Variants in ABI3BP observed in about 807,000 individuals in gnomAD.
ABI3BP encodes ABI family member 3 binding protein, also known as target of Nesh-SH3.
In ABI3BP, 216 loss-of-function variants were observed where a neutral mutation model predicts 268.6. That is an observed-to-expected ratio of 0.80 (90% CI 0.72 to 0.90). The LOEUF (loss-of-function observed/expected upper bound fraction) is 0.90, where lower values mean the gene tolerates loss of function less well. Among genes scored for constraint, ABI3BP ranks in the 40% least tolerant of loss-of-function variants. The probability of loss-of-function intolerance (pLI) is 0.00; values close to 1 mark genes in which losing one functional copy is unlikely to be tolerated. For synonymous variants in ABI3BP, 730 were observed against 730.0 expected, an observed-to-expected ratio of 1.00 and a Z score of 0.00; for missense variants, 2,090 against 2,182.4, an observed-to-expected ratio of 0.96 and a Z score of 0.84.
At chr3:100,901,432 G>T (rs997865419) in intron 3 of ABI3BP, among the ~76,000 whole-genome samples, 2 of 152,044 alleles carry the variant, frequency 1.3e-5, no homozygotes, top group Admixed American at 1.3e-4. Flanking sequence ...AGATGAACAT[G>T]CTTTGGCAAT....
At chr3:100,951,524 A>T (rs1296790158) in intron 1 of ABI3BP, among the ~76,000 whole-genome samples, 1 of 151,970 alleles carries the variant, frequency 6.6e-6, no homozygotes, top group Non-Finnish European at 1.5e-5. Flanking sequence ...ATTTGGTTCC[A>T]GTCCTACAAG....
intron 3 of ABI3BP, 90 bp downstream of exon 3, chr3:100,902,528 A>T: frequency 8.5e-7 from 1 of 1,177,848 alleles, no homozygotes; most frequent in East Asian, 2.5e-5. Flanking sequence ...AAAGCTTCTC[A>T]AGGCATTTGG....
chr3:100,927,843 T>TGTTAATG (rs2062317025), intron 1 of ABI3BP, among the ~76,000 whole-genome samples: 1 of 152,114 alleles, frequency 6.6e-6, no homozygotes, highest in Non-Finnish European at 1.5e-5. Context: ...TGGCACAACC[T>TGTTAATG]TAAACCTGGC....
At chr3:100,874,633 C>G (rs9844826) in intron 9 of ABI3BP, among the ~76,000 whole-genome samples, 43,552 of 151,816 alleles carry the variant, frequency 0.29, 6,499 homozygotes, top group East Asian at 0.36. Flanking sequence ...TATAAATATA[C>G]CTTATATAAA....
intron 1 of ABI3BP, among the ~76,000 whole-genome samples, chr3:100,954,273 C>T (rs2076095516): frequency 6.6e-6 from 1 of 152,080 alleles, no homozygotes; most frequent in Non-Finnish European, 1.5e-5. Flanking sequence ...AAACAGGAAG[C>T]ATTAACTTCA....
chr3:100,915,645 G>C (rs2058361925), intron 2 of ABI3BP, among the ~76,000 whole-genome samples: 1 of 152,196 alleles, frequency 6.6e-6, no homozygotes, highest in African/African-American at 2.4e-5. Context: ...TTGTCTGATA[G>C]GACCTCACTT....
intron 50 of ABI3BP, among the ~76,000 whole-genome samples, chr3:100,805,466 C>A (rs1393177231): frequency 6.6e-6 from 1 of 151,982 alleles, no homozygotes; most frequent in Non-Finnish European, 1.5e-5. Flanking sequence ...TAATAAGGTA[C>A]TAATATAATA....
chr3:100,796,262 A>G (rs2097343237), intron 52 of ABI3BP, 147 bp downstream of exon 52: 1 of 617,816 alleles, frequency 1.6e-6, no homozygotes, highest in African/African-American at 1.9e-5. Context: ...AGATGATTCA[A>G]TTTACCCACA....
At chr3:100,950,290 T>A (rs1017786190) in intron 1 of ABI3BP, among the ~76,000 whole-genome samples, 1 of 152,196 alleles carries the variant, frequency 6.6e-6, no homozygotes, top group Non-Finnish European at 1.5e-5. Flanking sequence ...TTTTTTAAAA[T>A]GGAAAATATT....
At chr3:100,889,095 A>G (rs950184112) in intron 4 of ABI3BP, among the ~76,000 whole-genome samples, 1 of 152,120 alleles carries the variant, frequency 6.6e-6, no homozygotes, top group African/African-American at 2.4e-5. Context: ...ATTTTGCAAC[A>G]CATCATTGCA....
chr3:100,812,315 C>A (rs374686692), intron 46 of ABI3BP, among the ~76,000 whole-genome samples, 152 bp downstream of exon 46: 1 of 152,136 alleles, frequency 6.6e-6, no homozygotes, highest in African/African-American at 2.4e-5. Context: ...GTGCTGTATA[C>A]AATGACATTC....
At chr3:100,974,578 G>GC (rs1247198525) in intron 1 of ABI3BP, among the ~76,000 whole-genome samples, 14 of 152,162 alleles carry the variant, frequency 9.2e-5, no homozygotes, top group Admixed American at 2.6e-4. Context: ...ATCAGTGGTT[G>GC]CCAGAAACTG....
At chr3:100,931,832 T>C (rs563437421) in intron 1 of ABI3BP, among the ~76,000 whole-genome samples, 3 of 152,104 alleles carry the variant, frequency 2.0e-5, no homozygotes, top group Non-Finnish European at 4.4e-5. Flanking sequence ...ATGACATTTT[T>C]TTCACAGAAC....
At position 100,938,920 on chromosome 3, in the gene ABI3BP, C is replaced by T. The variant is rs182918305; in HGVS notation, c.80-12439G>A. The stretch of plus-strand genomic sequence containing the variant: ...ATTAAATTGCTTTGGTGGTGGTGGA[C>T]GTTGTTGGGGGGGCATGTGTGTGTG... On this transcript the variant is annotated intron_variant, in intron 1 of 67. Coordinates refer to ENST00000471714, the MANE Select transcript of ABI3BP (RefSeq NM_001375547.2). Among the ~76,000 whole-genome samples the T allele has an allele frequency of 2.6e-3, 401 of 152,068 alleles. 2 individuals are homozygous for T. The highest frequency in any genetic ancestry group is 4.8e-3 in the Non-Finnish European group (325 of 67,952).
At chr3:100,991,398 A>C (rs540482829) in intron 1 of ABI3BP, among the ~76,000 whole-genome samples, 1 of 152,342 alleles carries the variant, frequency 6.6e-6, no homozygotes, top group African/African-American at 2.4e-5. Flanking sequence ...GAGGATTCTT[A>C]GTCAAATGAG....
chr3:100,862,966 T>G (rs766931353), intron 12 of ABI3BP, 57 bp from the exon 13 acceptor site: 7 of 1,320,248 alleles, frequency 5.3e-6, no homozygotes, highest in Non-Finnish European at 7.2e-6. Context: ...CAGGAAAGAT[T>G]TTTAAAATTT....
intron 64 of ABI3BP, among the ~76,000 whole-genome samples, chr3:100,754,149 A>G (rs1359724077): frequency 6.6e-6 from 1 of 152,236 alleles, no homozygotes; most frequent in Non-Finnish European, 1.5e-5. Flanking sequence ...GTTTGATAGA[A>G]AAACTTCATG....
chr3:100,821,605 T>C, intron 38 of ABI3BP, among the ~76,000 whole-genome samples: 1 of 146,352 alleles, frequency 6.8e-6, no homozygotes, highest in African/African-American at 2.5e-5. Flanking sequence ...GACTTTTTTT[T>C]TTTTTTTTTT....
chr3:100,801,435 A>AG (rs1194852779), intron 51 of ABI3BP, among the ~76,000 whole-genome samples: 3 of 145,874 alleles, frequency 2.1e-5, no homozygotes, highest in East Asian at 1.9e-4. Flanking sequence ...CAAAAAAAAA[A>AG]AAAAAGAAAA....
Sources: gnomAD v4.1 joint callset for allele counts (sites outside exome capture counted in the v4.1 genomes callset) on GRCh38, gnomAD v4.1.1 for gene constraint, MANE v1.5 for transcripts, NCBI Gene and HGNC (gene_info 2026-07-23, HGNC 2026-07-21) for gene names.